The following SEMA4A variants were observed in gnomAD, a reference collection of about 807,000 sequenced individuals.
The protein encoded by SEMA4A is semaphorin-4A.
Under a neutral mutation model 72.5 loss-of-function variants are expected in SEMA4A, and 52 were observed. That is an observed-to-expected ratio of 0.72 (90% CI 0.57 to 0.90). SEMA4A has a LOEUF of 0.90. Ranked by LOEUF, SEMA4A falls within the 40% of genes least tolerant of loss-of-function variation. The probability of loss-of-function intolerance (pLI) is 0.00; values close to 1 mark genes in which losing one functional copy is unlikely to be tolerated. For missense variants in SEMA4A, 926 were observed against 959.7 expected, an observed-to-expected ratio of 0.96 and a Z score of 0.46; for synonymous variants, 369 against 393.1, an observed-to-expected ratio of 0.94 and a Z score of 0.73.
upstream of SEMA4A, among the ~76,000 whole-genome samples, chr1:156,148,544 C>T (rs944475891): frequency 1.6e-4 from 25 of 152,188 alleles, no homozygotes; most frequent in Non-Finnish European, 2.5e-4. Flanking sequence ...TACCCAGGGC[C>T]GACACCAGCA....
Position 156,160,575 on chromosome 1 carries a change from C to T in SEMA4A, c.685+16C>T. ...TGGCTGCATCGTAAGGACCTGACCC[C>T]CGCTGGCCTCCTTTCCTGAGTCCTG... On this transcript the variant is annotated intron_variant, in intron 7 of 14. Coordinates refer to ENST00000368285, the MANE Select transcript of SEMA4A (RefSeq NM_022367.4). The T allele has an allele frequency of 6.2e-7, 1 of 1,600,786 alleles. No individual in the cohort carries two copies. Among genetic ancestry groups the T allele is most frequent in the Non-Finnish European group, 8.6e-7 (1 of 1,167,986 alleles).
intron 8 of SEMA4A, 44 bp from the exon 9 acceptor site, chr1:156,161,302 G>T (rs577942195): frequency 5.3e-6 from 3 of 570,884 alleles, no homozygotes; most frequent in Non-Finnish European, 7.6e-6. Flanking sequence ...GGGCTGGGGG[G>T]TCGGGGCGCC....
Position 156,160,981 on chromosome 1 carries a change from T to C in SEMA4A, c.762T>C (p.Phe254=), listed in dbSNP as rs1331516874. 6.2e-7 allele frequency: 1 copy of C among 1,609,242 alleles called. No individual in the cohort carries two copies. Among genetic ancestry groups the C allele is most frequent in the East Asian group, 2.2e-5 (1 of 44,572 alleles). Residue 254 remains phenylalanine, a synonymous_variant, in exon 8 of 15, where the codon TTT becomes TTC. Coordinates refer to ENST00000368285, the MANE Select transcript of SEMA4A (RefSeq NM_022367.4). ...YFFFEETASE[F]DFFERLHTSR... is the part of the protein sequence containing the mutation. ...TCTTCGAGGAGACAGCCAGCGAGTTTGACTTCTTTGAGAGGCTCCACACAT... is the reference window on the plus strand; with the variant it reads ...TCTTCGAGGAGACAGCCAGCGAGTTCGACTTCTTTGAGAGGCTCCACACAT...
chr1:156,174,437 G>A (rs1655107156), intron 11 of SEMA4A, among the ~76,000 whole-genome samples: 1 of 152,222 alleles, frequency 6.6e-6, no homozygotes, highest in Non-Finnish European at 1.5e-5. Context: ...AGGAATGCCA[G>A]GTAAGGAGGT....
Position 156,177,123 on chromosome 1 carries a change from G to A in SEMA4A, c.*126G>A. The A allele has an allele frequency of 1.2e-6, 1 of 831,950 alleles. No individual in the cohort carries two copies. The allele number at this position is 831,950 out of a possible 1,614,324, so 51.5% of individuals were successfully genotyped here. On this transcript the variant is annotated 3_prime_UTR_variant, in exon 15 of 15. Transcript: ENST00000368285. ...CCTTTCTCCCCTGAGAGGAGCTTCT[G>A]CTACTCTGCATCACTGATGACACTC...
intron 8 of SEMA4A, 36 bp from the exon 9 acceptor site, chr1:156,161,310 G>GGGGGGGGCCCCGGGGGCC: frequency 5.1e-6 from 7 of 1,381,096 alleles, no homozygotes; most frequent in Non-Finnish European, 6.8e-6. Flanking sequence ...GGGTCGGGGC[G>GGGGGGGGCCCCGGGGGCC]CCCGGGGCGC....
rs762272839 is a variant in SEMA4A, at chr1:156,158,059, C to T, written c.301-11C>T. 9 of 1,611,960 alleles carry T rather than the reference C, an allele frequency of 5.6e-6. No homozygotes were observed. The highest frequency in any genetic ancestry group is 7.6e-6 in the Non-Finnish European group (9 of 1,177,998). ...TCTTTTCATCTCGCCCTCCCAACTC[C>T]CCACTTTCAGATACCGTGGCCAGCC... On this transcript the variant is annotated splice_polypyrimidine_tract_variant and intron_variant, in intron 3 of 14. Coordinates refer to ENST00000368285, the MANE Select transcript of SEMA4A (RefSeq NM_022367.4).
At chr1:156,174,989 G>C (rs1655171602) in intron 12 of SEMA4A, 49 bp downstream of exon 12, 1 of 1,614,190 alleles carries the variant, frequency 6.2e-7, no homozygotes, top group Non-Finnish European at 8.5e-7. Flanking sequence ...GGCTGGCCTT[G>C]GGGGCCTGTT....
intron 6 of SEMA4A, 67 bp from the exon 7 acceptor site, chr1:156,160,376 C>T: frequency 3.3e-6 from 4 of 1,205,560 alleles, no homozygotes; most frequent in Non-Finnish European, 4.9e-6. Context: ...CAGTCAGAGG[C>T]AGGTCTGTGG....
upstream of SEMA4A, among the ~76,000 whole-genome samples, chr1:156,152,708 C>A (rs1029445115): frequency 1.3e-5 from 2 of 152,186 alleles, no homozygotes; most frequent in African/African-American, 4.8e-5. Flanking sequence ...GCTGTAACAT[C>A]CCCCATGTTG....
At chr1:156,159,364 CAGAG>C (rs371185764) in intron 6 of SEMA4A, among the ~76,000 whole-genome samples, 1 of 151,294 alleles carries the variant, frequency 6.6e-6, no homozygotes. Flanking sequence ...ATGCAGAGGA[CAGAG>C]AGAGAGAGGG....
In SEMA4A at chr1:156,168,727, A is replaced by G. The variant is rs182676758; in HGVS notation, c.1135-4099A>G. 2.7e-4 allele frequency among the ~76,000 whole-genome samples: 41 copies of G among 152,260 alleles called. 1 individual carries two copies. The East Asian group carries it at 5.2e-3, about 19-fold the overall frequency. Reference sequence around the variant, plus strand: ...GCAATTTGGTCTCTGTTATGTCACCACTGAGGGTGGTCTGGCTGGGCTGTT... The same window carrying G: ...GCAATTTGGTCTCTGTTATGTCACCGCTGAGGGTGGTCTGGCTGGGCTGTT... On this transcript the variant is annotated intron_variant, in intron 10 of 14. Transcript: ENST00000368285.
chr1:156,156,864 C>T (rs1653091205), intron 3 of SEMA4A, among the ~76,000 whole-genome samples: 1 of 151,808 alleles, frequency 6.6e-6, no homozygotes, highest in South Asian at 2.1e-4. Flanking sequence ...CTGCCTCAGC[C>T]TCCCAAGTAG....
intron 10 of SEMA4A, among the ~76,000 whole-genome samples, chr1:156,168,768 A>G (rs1377298823): frequency 6.6e-6 from 1 of 152,068 alleles, no homozygotes. Context: ...GGAATCTTCA[A>G]TGTCAGTATC....
chr1:156,154,334 C>T (rs572959081), intron 1 of SEMA4A: 2 of 582,764 alleles, frequency 3.4e-6, no homozygotes, highest in African/African-American at 1.9e-5. Context: ...GGGCTCCTAC[C>T]CATAGGGGAC....
intron 8 of SEMA4A, 58 bp from the exon 9 acceptor site, chr1:156,161,288 C>A (rs1229188542): frequency 1.0e-5 from 7 of 681,478 alleles, no homozygotes; most frequent in Non-Finnish European, 1.3e-5. Context: ...GGGGAGGACA[C>A]GCGGGGCTGG....
intron 10 of SEMA4A, among the ~76,000 whole-genome samples, chr1:156,170,596 A>G (rs1360928371): frequency 2.0e-5 from 3 of 146,350 alleles, no homozygotes; most frequent in Non-Finnish European, 4.5e-5. Flanking sequence ...TACTAAAAAT[A>G]GAAAAAAATT....
chr1:156,159,500 G>A (rs147732965), intron 6 of SEMA4A, among the ~76,000 whole-genome samples: 89 of 152,236 alleles, frequency 5.8e-4, no homozygotes, highest in Middle Eastern at 3.4e-3. Context: ...GAGGCACGAG[G>A]GCCCGGGAAG....
chr1:156,159,025 T>A, intron 6 of SEMA4A: 2 of 431,750 alleles, frequency 4.6e-6, no homozygotes, highest in Non-Finnish European at 8.3e-6. Context: ...CACAGCGAGA[T>A]CGTCTCAAAA....
Sources: gnomAD v4.1 joint callset for allele counts (sites outside exome capture counted in the v4.1 genomes callset) on GRCh38, gnomAD v4.1.1 for gene constraint, MANE v1.5 for transcripts, NCBI Gene and HGNC (gene_info 2026-07-23, HGNC 2026-07-21) for gene names.